The following RALGPS2 variants were observed in gnomAD, a reference collection of about 807,000 sequenced individuals.
RALGPS2 encodes the protein Ral GEF with PH domain and SH3 binding motif 2.
Under a neutral mutation model 86.8 loss-of-function variants are expected in RALGPS2, and 43 were observed. That is an observed-to-expected ratio of 0.50 (90% CI 0.39 to 0.64). The LOEUF (loss-of-function observed/expected upper bound fraction) is 0.64. Ranked by LOEUF, RALGPS2 falls within the 30% of genes least tolerant of loss-of-function variation. The pLI is 0.00. For synonymous variants in RALGPS2, 243 were observed against 231.3 expected, an observed-to-expected ratio of 1.05 and a Z score of -0.46; for missense variants, 536 against 694.6, an observed-to-expected ratio of 0.77 and a Z score of 2.57.
At chr1:178,902,241 A>G (rs1291024451) in intron 18 of RALGPS2, 30 bp downstream of exon 18, 1 of 1,504,234 alleles carries the variant, frequency 6.6e-7, no homozygotes, top group Non-Finnish European at 9.2e-7. Context: ...GGGGCTTACG[A>G]TACTGCGTAT....
intron 13 of RALGPS2, among the ~76,000 whole-genome samples, chr1:178,887,126 C>T (rs1659525323): frequency 6.6e-6 from 1 of 152,158 alleles, no homozygotes; most frequent in African/African-American, 2.4e-5. Flanking sequence ...TTTGAGTCTT[C>T]TAGATGAGCA....
intron 4 of RALGPS2, among the ~76,000 whole-genome samples, chr1:178,807,442 A>G (rs1330124250): frequency 1.3e-5 from 2 of 152,238 alleles, no homozygotes; most frequent in East Asian, 3.8e-4. Flanking sequence ...AGTGATTTTG[A>G]TTGGTAACTA....
At chr1:178,830,630 G>A (rs1410991212) in intron 7 of RALGPS2, among the ~76,000 whole-genome samples, 1 of 152,042 alleles carries the variant, frequency 6.6e-6, no homozygotes, top group Non-Finnish European at 1.5e-5. Flanking sequence ...TTTTTTAGAA[G>A]GAAAAATATA....
At chr1:178,826,177 T>C (rs1655735492) in intron 7 of RALGPS2, among the ~76,000 whole-genome samples, 1 of 152,186 alleles carries the variant, frequency 6.6e-6, no homozygotes. Flanking sequence ...AGGGAAAATA[T>C]TAAGAGCATC....
chr1:178,776,959 T>G, intron 2 of RALGPS2, 138 bp downstream of exon 2: 1 of 655,238 alleles, frequency 1.5e-6, no homozygotes, highest in Non-Finnish European at 2.5e-6. Flanking sequence ...TAAATTTTAT[T>G]TTTTTTTATA....
chr1:178,807,381 AATG>A (rs1168493583), intron 4 of RALGPS2, among the ~76,000 whole-genome samples: 1 of 152,132 alleles, frequency 6.6e-6, no homozygotes, highest in East Asian at 1.9e-4. Context: ...GATGAGTGTA[AATG>A]ATATTTTTAA....
intron 17 of RALGPS2, among the ~76,000 whole-genome samples, chr1:178,900,464 T>A (rs1660125959): frequency 1.3e-5 from 2 of 151,886 alleles, no homozygotes; most frequent in Non-Finnish European, 2.9e-5. Context: ...CTGGTAAAAA[T>A]TTAAATTGGT....
At chr1:178,790,349 A>T (rs1429353444) in intron 4 of RALGPS2, among the ~76,000 whole-genome samples, 1 of 152,190 alleles carries the variant, frequency 6.6e-6, no homozygotes, top group Non-Finnish European at 1.5e-5. Context: ...AAATGTTTTT[A>T]AAATTTAGTA....
At chr1:178,879,582 C>G (rs2102367414) in intron 10 of RALGPS2, 1 of 152,580 alleles carries the variant, frequency 6.6e-6, no homozygotes, top group Middle Eastern at 3.4e-3. Context: ...CACTTGAGGT[C>G]AGGAGTTCAA....
intron 4 of RALGPS2, among the ~76,000 whole-genome samples, chr1:178,788,153 G>T (rs1292280677): frequency 1.3e-5 from 2 of 152,032 alleles, no homozygotes; most frequent in African/African-American, 4.8e-5. Context: ...TCATCTTTCA[G>T]TTCTCAGCTC....
rs114489868 is a variant in RALGPS2 at position 178,920,491 on chromosome 1, C to T, written c.*4132C>T. ...CTCTCTCCACCAGCTTAATCTTTCT[C>T]ACCCCAAGTCTAACAAAGTCTTTAC... On this transcript the variant is annotated 3_prime_UTR_variant, in exon 20 of 20. Transcript: ENST00000367635. The T allele has an allele frequency of 1.3e-5, 2 of 152,088 alleles. No individual in the cohort carries two copies. Among genetic ancestry groups the T allele is most frequent in the African/African-American group, 4.8e-5 (2 of 41,552 alleles). The allele number at this position is 152,088 out of a possible 1,614,324, so 9.4% of individuals were successfully genotyped here.
intron 10 of RALGPS2, among the ~76,000 whole-genome samples, chr1:178,882,287 C>A (rs542385643): frequency 3.3e-5 from 5 of 152,234 alleles, no homozygotes; most frequent in South Asian, 2.1e-4. Context: ...TTCTTTCATC[C>A]ACTAGACTGT....
intron 4 of RALGPS2, among the ~76,000 whole-genome samples, chr1:178,801,077 C>T (rs1654447602): frequency 6.6e-6 from 1 of 152,042 alleles, no homozygotes; most frequent in African/African-American, 2.4e-5. Flanking sequence ...CAGGCATATG[C>T]CACCACGCCT....
rs71108081 is a variant in RALGPS2 at position 178,856,394 on chromosome 1, ATTTTTTTTTTTTTT to A, written c.608-21085_608-21072del. Among the ~76,000 whole-genome samples the A allele has an allele frequency of 2.3e-3, 85 of 36,430 alleles. 3 individuals are homozygous for A. Among genetic ancestry groups the A allele is most frequent in the Admixed American group, 1.6e-3 (5 of 3,158 alleles). The allele number at this position is 36,430 out of a possible 152,430, so 23.9% of individuals were successfully genotyped here. On this transcript the variant is annotated intron_variant, in intron 8 of 19. Coordinates refer to ENST00000367635, the MANE Select transcript of RALGPS2 (RefSeq NM_152663.5). ...AGGCAAGTGCCACCCTGCCTGGCTA[ATTTTTTTTTTTTTT>A]TTTTTTTTTTTTTTTTTTGAGAGAT...
chr1:178,893,229 T>G (rs1366415752), intron 15 of RALGPS2, among the ~76,000 whole-genome samples: 1 of 149,318 alleles, frequency 6.7e-6, no homozygotes, highest in Non-Finnish European at 1.5e-5. Flanking sequence ...GATATTAAAG[T>G]GTTGGTTATT....
At chr1:178,860,357 T>C (rs1001062308) in intron 8 of RALGPS2, among the ~76,000 whole-genome samples, 1 of 152,186 alleles carries the variant, frequency 6.6e-6, no homozygotes, top group African/African-American at 2.4e-5. Context: ...ATACTATTTT[T>C]TATAACTTCA....
rs547274334 is a variant in RALGPS2 at position 178,798,103 on chromosome 1, A to G, written c.214-9942A>G. On this transcript the variant is annotated intron_variant, in intron 4 of 19. Coordinates refer to ENST00000367635, the MANE Select transcript of RALGPS2 (RefSeq NM_152663.5). ...CTAGTCTATTTTGTCTTTTACTACC[A>G]TGAGATATATCCAAATGTATTAAGA... is the stretch of plus-strand genomic sequence containing the variant. Among the ~76,000 whole-genome samples the G allele has an allele frequency of 3.4e-4, 52 of 152,266 alleles. No individual in the cohort carries two copies. The Middle Eastern group carries it at 0.01, about 30-fold the overall frequency.
At chr1:178,733,090 T>C (rs1226072942) in intron 1 of RALGPS2, among the ~76,000 whole-genome samples, 2 of 152,252 alleles carry the variant, frequency 1.3e-5, no homozygotes, top group Non-Finnish European at 2.9e-5. Context: ...GGATTCTTTG[T>C]TCCTTGAAGG....
rs974449417 is a variant in RALGPS2 at position 178,921,679 on chromosome 1, C to G, written c.*5320C>G. On this transcript the variant is annotated 3_prime_UTR_variant, in exon 20 of 20. Coordinates refer to ENST00000367635, the MANE Select transcript of RALGPS2 (RefSeq NM_152663.5). ...ATGAAGCACTCGATTGCACTATGACCTCCTTGAGTGATGTGCAGCTTGGTT... is the reference window on the plus strand; with the variant it reads ...ATGAAGCACTCGATTGCACTATGACGTCCTTGAGTGATGTGCAGCTTGGTT... 6.6e-6 allele frequency: 1 copy of G among 152,008 alleles called. No individual in the cohort carries two copies. The highest frequency in any genetic ancestry group is 1.5e-5 in the Non-Finnish European group (1 of 67,932). The allele number at this position is 152,008 out of a possible 1,614,324, so 9.4% of individuals were successfully genotyped here. A position where few individuals can be genotyped will look rare whatever the true frequency, so the allele number is the denominator to read the frequency against.
Sources: gnomAD v4.1 joint callset for allele counts (sites outside exome capture counted in the v4.1 genomes callset) on GRCh38, gnomAD v4.1.1 for gene constraint, MANE v1.5 for transcripts, NCBI Gene and HGNC (gene_info 2026-07-23, HGNC 2026-07-21) for gene names.